Variants in FAIM2 observed in about 807,000 individuals in gnomAD.
The protein encoded by FAIM2 is Fas apoptotic inhibitory molecule 2, also known as protein lifeguard 2.
A neutral mutation model predicts 47.4 loss-of-function variants in FAIM2; 27 were observed. The ratio of observed to expected loss-of-function variants is 0.57; its 90% CI spans 0.42 to 0.78. The LOEUF (loss-of-function observed/expected upper bound fraction) is 0.78. FAIM2 is among the 30% of genes least tolerant of loss of function. The pLI, the probability that FAIM2 is intolerant of heterozygous loss-of-function variation, is 0.00. For synonymous variants in FAIM2, 156 were observed against 159.3 expected, an observed-to-expected ratio of 0.98 and a Z score of 0.16; for missense variants, 311 against 389.4, an observed-to-expected ratio of 0.80 and a Z score of 1.69.
chr12:49,891,126 A>G lies in FAIM2; in HGVS notation c.435-12T>C, dbSNP rs2137099852. On this transcript the variant is annotated splice_polypyrimidine_tract_variant and intron_variant, in intron 5 of 11. Transcript: ENST00000320634. ...CAAAGAACACAGCACTGTGAGAGAC[A>G]GATGGATAGGTGAGTCAGCCAGCCT... The G allele has an allele frequency of 6.2e-7, 1 of 1,613,992 alleles. No individual in the cohort carries two copies. The highest frequency in any genetic ancestry group is 8.5e-7 in the Non-Finnish European group (1 of 1,179,848).
At chr12:49,883,715 G>A (rs913294079) in intron 11 of FAIM2, among the ~76,000 whole-genome samples, 6 of 152,224 alleles carry the variant, frequency 3.9e-5, no homozygotes, top group Non-Finnish European at 5.9e-5. Flanking sequence ...GAGAAGAGTC[G>A]GCCTTTTGCA....
intron 3 of FAIM2, 50 bp downstream of exon 3, chr12:49,897,937 G>A (rs1398098121): frequency 3.5e-6 from 5 of 1,427,302 alleles, no homozygotes; most frequent in Non-Finnish European, 4.9e-6. Flanking sequence ...CCTCTCCAGG[G>A]GCTCCCCCAC....
chr12:49,879,968 G>GTA (rs1946796031), intron 11 of FAIM2, among the ~76,000 whole-genome samples: 1 of 150,840 alleles, frequency 6.6e-6, no homozygotes, highest in Admixed American at 6.6e-5. Context: ...ATGTGCATGT[G>GTA]TGTGTATATG....
intron 11 of FAIM2, among the ~76,000 whole-genome samples, chr12:49,886,680 G>T (rs545772688): frequency 6.0e-4 from 91 of 152,156 alleles, no homozygotes; most frequent in African/African-American, 2.1e-3. Flanking sequence ...GTTTCACCAT[G>T]TTAGCCAGGA....
intron 11 of FAIM2, among the ~76,000 whole-genome samples, chr12:49,880,048 GTA>G (rs1318537777): frequency 3.4e-5 from 5 of 147,804 alleles, no homozygotes; most frequent in Admixed American, 3.4e-4. Flanking sequence ...ATATGCATGT[GTA>G]TATATGTATT....
At chr12:49,878,798 A>ACATGTGCGTCTGTG (rs1293659390) in intron 11 of FAIM2, among the ~76,000 whole-genome samples, 1 of 89,850 alleles carries the variant, frequency 1.1e-5, no homozygotes, top group Non-Finnish European at 2.0e-5. Flanking sequence ...GCCTGTGTGT[A>ACATGTGCGTCTGTG]TATGTGTGCA....
intron 11 of FAIM2, among the ~76,000 whole-genome samples, chr12:49,886,536 C>T (rs1373466314): frequency 3.3e-5 from 5 of 152,018 alleles, no homozygotes; most frequent in Non-Finnish European, 5.9e-5. Context: ...AGTGCAGTGG[C>T]GCGATCTCGG....
At chr12:49,880,330 GTGTGCATGTTTGTGTA>G (rs1040823264) in intron 11 of FAIM2, among the ~76,000 whole-genome samples, 3 of 151,826 alleles carry the variant, frequency 2.0e-5, no homozygotes, top group African/African-American at 7.3e-5. Flanking sequence ...ATGTGTGTCT[GTGTGCATGTTTGTGTA>G]TGTGCATGTA....
intron 1 of FAIM2, among the ~76,000 whole-genome samples, chr12:49,902,585 G>A (rs953739046): frequency 1.8e-4 from 27 of 152,112 alleles, no homozygotes; most frequent in East Asian, 1.9e-4. Flanking sequence ...AGGGAACAGC[G>A]CCACTAAAGG....
At chr12:49,901,096 T>A (rs746516571) in intron 2 of FAIM2, 34 bp downstream of exon 2, 30 of 1,513,110 alleles carry the variant, frequency 2.0e-5, no homozygotes, top group Non-Finnish European at 2.6e-5. Context: ...CCCCACCCCA[T>A]GATGCTTCAG....
At chr12:49,889,077 T>A (rs1394853569) in intron 10 of FAIM2, 30 bp downstream of exon 10, 1 of 1,542,162 alleles carries the variant, frequency 6.5e-7, no homozygotes, top group Non-Finnish European at 8.9e-7. Context: ...TCCCTCCCCA[T>A]GGGGCCTGCT....
At chr12:49,897,006 G>C (rs1431508870) in intron 5 of FAIM2, 25 bp downstream of exon 5, 2 of 1,597,602 alleles carry the variant, frequency 1.3e-6, no homozygotes, top group South Asian at 1.1e-5. Context: ...CTCTGGAAGG[G>C]GACTGGGGAC....
At chr12:49,889,410 C>G in intron 9 of FAIM2, 71 bp downstream of exon 9, 1 of 1,423,068 alleles carries the variant, frequency 7.0e-7, no homozygotes, top group East Asian at 2.3e-5. Flanking sequence ...AGCTCTGAGG[C>G]CCCCACCCCA....
intron 11 of FAIM2, 69 bp from the exon 12 acceptor site, chr12:49,870,722 C>G: frequency 6.6e-7 from 1 of 1,521,696 alleles, no homozygotes; most frequent in East Asian, 2.3e-5. Flanking sequence ...TATGGCAGCC[C>G]AGGTGTCCCC....
intron 11 of FAIM2, among the ~76,000 whole-genome samples, chr12:49,879,601 C>T (rs28970832): frequency 0.79 from 117,216 of 148,928 alleles, 46,261 homozygotes; most frequent in African/African-American, 0.91. Context: ...TGTGTGCATG[C>T]GAGTGTATGT....
At chr12:49,888,765 T>C (rs939278834) in intron 10 of FAIM2, among the ~76,000 whole-genome samples, 1 of 152,182 alleles carries the variant, frequency 6.6e-6, no homozygotes, top group African/African-American at 2.4e-5. Context: ...CCTCTGGGTC[T>C]GGCGGGCCTC....
chr12:49,886,539 G>C (rs1454763099), intron 11 of FAIM2, among the ~76,000 whole-genome samples: 1 of 151,982 alleles, frequency 6.6e-6, no homozygotes, highest in Non-Finnish European at 1.5e-5. Flanking sequence ...GCAGTGGCGC[G>C]ATCTCGGCTC....
At chr12:49,876,470 G>A (rs913807923) in intron 11 of FAIM2, among the ~76,000 whole-genome samples, 1 of 152,290 alleles carries the variant, frequency 6.6e-6, no homozygotes, top group Admixed American at 6.5e-5. Context: ...TTTACCATAA[G>A]AGTAAAAGCT....
intron 5 of FAIM2, among the ~76,000 whole-genome samples, chr12:49,896,474 G>A (rs768752264): frequency 2.0e-5 from 3 of 152,154 alleles, no homozygotes; most frequent in Admixed American, 6.5e-5. Flanking sequence ...CAGTTCTACC[G>A]CTGACTAGCT....
Sources: gnomAD v4.1 joint callset for allele counts (sites outside exome capture counted in the v4.1 genomes callset) on GRCh38, gnomAD v4.1.1 for gene constraint, MANE v1.5 for transcripts, NCBI Gene and HGNC (gene_info 2026-07-23, HGNC 2026-07-21) for gene names.